The following TENM2 variants were observed in gnomAD, a reference collection of about 807,000 sequenced individuals.
TENM2 encodes teneurin transmembrane protein 2, also known as teneurin-2.
A neutral mutation model predicts 245.2 loss-of-function variants in TENM2; 52 were observed. The ratio of observed to expected loss-of-function variants is 0.21; its 90% CI spans 0.17 to 0.27. The LOEUF is 0.27. Ranked by LOEUF, TENM2 falls within the 10% of genes least tolerant of loss-of-function variation. The pLI is 1.00. For missense variants in TENM2, 3,046 were observed against 3,666.8 expected (o/e 0.83, Z 4.37); for synonymous variants, 1,363 against 1,438.9 (o/e 0.95, Z 1.19).
intron 2 of TENM2, among the ~76,000 whole-genome samples, chr5:167,867,265 C>G (rs1413959827): frequency 6.6e-6 from 1 of 152,182 alleles, no homozygotes; most frequent in Non-Finnish European, 1.5e-5. Context: ...ATTTTAAAAA[C>G]AGACCCTACT....
At chr5:167,831,485 C>CTTTTTTTTTTTTTTTTTTTTTTTTT (rs10667494) in intron 2 of TENM2, among the ~76,000 whole-genome samples, 1 of 127,800 alleles carries the variant, frequency 7.8e-6, no homozygotes, top group Non-Finnish European at 1.6e-5. Flanking sequence ...GAGTTCAGCA[C>CTTTTTTTTTTTTTTTTTTTTTTTTT]TTTTTTTTTT....
chr5:167,419,802 C>T lies in TENM2; in HGVS notation c.502+44329C>T, dbSNP rs115506473. ...CTTATGATATGAAGTTAAGATTATC[C>T]GAAAAGGGAAAACTCAGCCCTCATT... is the stretch of plus-strand genomic sequence containing the variant. On this transcript the variant is annotated intron_variant, in intron 2 of 28. Coordinates refer to ENST00000518659, the Ensembl canonical transcript of TENM2. 3.1e-3 allele frequency among the ~76,000 whole-genome samples: 471 copies of T among 152,106 alleles called. 5 individuals carry two copies. The highest frequency in any genetic ancestry group is 9.3e-3 in the African/African-American group (386 of 41,486).
chr5:167,644,879 G>C (rs550347523), intron 2 of TENM2, among the ~76,000 whole-genome samples: 1 of 152,270 alleles, frequency 6.6e-6, no homozygotes, highest in East Asian at 1.9e-4. Context: ...TGTGTCATTT[G>C]GTGATTTCAT....
At chr5:167,311,938 A>G (rs1305614723) in intron 1 of TENM2, among the ~76,000 whole-genome samples, 1 of 152,146 alleles carries the variant, frequency 6.6e-6, no homozygotes, top group African/African-American at 2.4e-5. Context: ...TAGGGATCTT[A>G]TGTCATTTTA....
intron 2 of TENM2, among the ~76,000 whole-genome samples, chr5:167,524,971 G>A (rs986176444): frequency 6.6e-6 from 1 of 152,088 alleles, no homozygotes; most frequent in East Asian, 1.9e-4. Context: ...ACTCTTGCAA[G>A]CTTCTTATGG....
chr5:167,276,904 G>A, the TENM2 span, among the ~76,000 whole-genome samples: 1 of 152,076 alleles, frequency 6.6e-6, no homozygotes, highest in East Asian at 1.9e-4. Context: ...CATGGATATG[G>A]TGGGCCAGCT....
chr5:167,624,120 C>G (rs1778350576), intron 2 of TENM2, among the ~76,000 whole-genome samples: 1 of 152,234 alleles, frequency 6.6e-6, no homozygotes, highest in Middle Eastern at 3.4e-3. Context: ...AATACCTGCA[C>G]TCATATATTT....
At chr5:167,014,975 G>T in the TENM2 span, among the ~76,000 whole-genome samples, 6 of 152,140 alleles carry the variant, frequency 3.9e-5, no homozygotes, top group Non-Finnish European at 5.9e-5. Context: ...TGTTAAAAAG[G>T]TTCTAAAAAA....
At chr5:167,742,119 G>A (rs1761218681) in intron 2 of TENM2, among the ~76,000 whole-genome samples, 1 of 152,168 alleles carries the variant, frequency 6.6e-6, no homozygotes, top group Admixed American at 6.5e-5. Flanking sequence ...AACTAACTCT[G>A]TCATAAGCCT....
At chr5:167,594,803 A>C (rs1448588149) in intron 2 of TENM2, among the ~76,000 whole-genome samples, 2 of 152,190 alleles carry the variant, frequency 1.3e-5, no homozygotes, top group Non-Finnish European at 2.9e-5. Context: ...ATCCCAGATG[A>C]CTAAGAGGAA....
chr5:167,102,328 G>T, the TENM2 span, among the ~76,000 whole-genome samples: 1 of 152,062 alleles, frequency 6.6e-6, no homozygotes, highest in Non-Finnish European at 1.5e-5. Context: ...CTACTAATAC[G>T]TCTGATAATA....
At chr5:167,424,232 G>A (rs1046172731) in intron 2 of TENM2, among the ~76,000 whole-genome samples, 4 of 151,908 alleles carry the variant, frequency 2.6e-5, no homozygotes, top group Admixed American at 6.6e-5. Context: ...TTCCGGCCCC[G>A]TTTACCCAGG....
chr5:167,897,759 G>T (rs1022461355), intron 3 of TENM2, among the ~76,000 whole-genome samples: 1 of 152,128 alleles, frequency 6.6e-6, no homozygotes, highest in Non-Finnish European at 1.5e-5. Context: ...TTAGAAGAAA[G>T]ATATACAGAT....
At chr5:167,708,581 C>A (rs1758692903) in intron 2 of TENM2, among the ~76,000 whole-genome samples, 1 of 152,114 alleles carries the variant, frequency 6.6e-6, no homozygotes. Flanking sequence ...AGTTCTATTT[C>A]TCCATTCACT....
intron 2 of TENM2, among the ~76,000 whole-genome samples, chr5:167,690,969 G>GTA (rs1561676342): frequency 2.8e-5 from 4 of 141,316 alleles, no homozygotes; most frequent in Admixed American, 7.0e-5. Flanking sequence ...GTGTGTGTGT[G>GTA]TAGAGAGAGA....
chr5:168,190,244 C>T (rs1327515734), intron 13 of TENM2, 93 bp from the exon 16 acceptor site: 18 of 954,896 alleles, frequency 1.9e-5, no homozygotes, highest in Non-Finnish European at 2.2e-5. Flanking sequence ...TTTGATGCTG[C>T]TCATGCCTGT....
chr5:168,246,738 T>C lies in TENM2; in HGVS notation c.5818-19T>C, dbSNP rs1261579260. On this transcript the variant is annotated intron_variant, in intron 26 of 28. Transcript: ENST00000518659. The stretch of plus-strand genomic sequence containing the variant: ...TCAAAAGCCAACTGATATGTTCTGT[T>C]CCCCTTTCCTTTCTGCAGTCCATGG... 1.2e-6 allele frequency: 2 copies of C among 1,609,284 alleles called. No individual in the cohort carries two copies. Among genetic ancestry groups the C allele is most frequent in the Non-Finnish European group, 1.7e-6 (2 of 1,176,626 alleles).
intron 10 of TENM2, among the ~76,000 whole-genome samples, chr5:168,119,167 G>T (rs1048627276): frequency 6.6e-6 from 1 of 152,252 alleles, no homozygotes; most frequent in Non-Finnish European, 1.5e-5. Context: ...CTAGAGGAGA[G>T]TGAGGATGCA....
At chr5:167,650,226 G>A (rs981487003) in intron 2 of TENM2, among the ~76,000 whole-genome samples, 1 of 152,128 alleles carries the variant, frequency 6.6e-6, no homozygotes, top group Non-Finnish European at 1.5e-5. Flanking sequence ...GACTTTCCCT[G>A]CTGTGGTCCC....
Sources: gnomAD v4.1 joint callset for allele counts (sites outside exome capture counted in the v4.1 genomes callset) on GRCh38, gnomAD v4.1.1 for gene constraint, MANE v1.5 for transcripts, NCBI Gene and HGNC (gene_info 2026-07-23, HGNC 2026-07-21) for gene names.